The following MYO16 variants were observed in gnomAD, a reference collection of about 807,000 sequenced individuals.
The protein encoded by MYO16 is unconventional myosin-XVI.
Under a neutral mutation model 205.3 loss-of-function variants are expected in MYO16, and 94 were observed. The ratio of observed to expected loss-of-function variants is 0.46; its 90% CI spans 0.39 to 0.54. The LOEUF is 0.54. Ranked by LOEUF, MYO16 falls within the 20% of genes least tolerant of loss-of-function variation. MYO16 has a pLI of 0.00. For missense variants in MYO16, 2,315 were observed against 2,387.5 expected (o/e 0.97, Z 0.63); for synonymous variants, 988 against 954.0 (o/e 1.04, Z -0.66).
intron 21 of MYO16, among the ~76,000 whole-genome samples, chr13:109,001,656 G>A (rs1390072652): frequency 1.3e-5 from 2 of 152,142 alleles, no homozygotes; most frequent in Admixed American, 6.5e-5. Flanking sequence ...ATGGAAATCA[G>A]GGATAACTGA....
At chr13:108,535,138 G>A in the MYO16 span, among the ~76,000 whole-genome samples, 1 of 142,242 alleles carries the variant, frequency 7.0e-6, no homozygotes, top group Non-Finnish European at 1.5e-5. Flanking sequence ...TCTTCCTCTT[G>A]TTCTTTCTTG....
At chr13:108,540,882 G>C in the MYO16 span, among the ~76,000 whole-genome samples, 1 of 152,148 alleles carries the variant, frequency 6.6e-6, no homozygotes, top group African/African-American at 2.4e-5. Context: ...AGAAAGTCCT[G>C]TCTTATTCAC....
intron 12 of MYO16, among the ~76,000 whole-genome samples, chr13:108,872,000 T>G (rs909925307): frequency 6.6e-6 from 1 of 152,274 alleles, no homozygotes; most frequent in Non-Finnish European, 1.5e-5. Context: ...AGACTACATC[T>G]GTTTTTATTG....
intron 10 of MYO16, among the ~76,000 whole-genome samples, chr13:108,853,849 C>T (rs1033802641): frequency 1.3e-5 from 2 of 151,902 alleles, no homozygotes; most frequent in East Asian, 1.9e-4. Context: ...ATGGTTTGAA[C>T]TCCAGTGCCA....
At chr13:109,003,007 T>A (rs1195400319) in intron 21 of MYO16, among the ~76,000 whole-genome samples, 1 of 152,232 alleles carries the variant, frequency 6.6e-6, no homozygotes, top group Non-Finnish European at 1.5e-5. Context: ...ACGTCTATAT[T>A]TTAACTTTGG....
chr13:108,958,825 T>C (rs375686823), intron 17 of MYO16, among the ~76,000 whole-genome samples: 4 of 152,092 alleles, frequency 2.6e-5, no homozygotes, highest in East Asian at 3.9e-4. Flanking sequence ...TTCAACATGG[T>C]GGTGTTTTGG....
chr13:108,509,257 A>G, the MYO16 span, among the ~76,000 whole-genome samples: 2 of 152,240 alleles, frequency 1.3e-5, no homozygotes, highest in Non-Finnish European at 2.9e-5. Flanking sequence ...CTTGCACAGT[A>G]TGATACTTGC....
chr13:108,814,605 G>T (rs1175701697), intron 7 of MYO16, among the ~76,000 whole-genome samples: 1 of 152,088 alleles, frequency 6.6e-6, no homozygotes, highest in African/African-American at 2.4e-5. Flanking sequence ...TTTAGCAAAT[G>T]ATATATTTGG....
At chr13:108,685,105 C>T (rs1448707563) in intron 2 of MYO16, among the ~76,000 whole-genome samples, 1 of 151,322 alleles carries the variant, frequency 6.6e-6, no homozygotes, top group African/African-American at 2.4e-5. Flanking sequence ...TCACTGCAAC[C>T]TCCACCTTCC....
At chr13:108,774,955 C>T (rs1390186780) in intron 4 of MYO16, among the ~76,000 whole-genome samples, 1 of 152,142 alleles carries the variant, frequency 6.6e-6, no homozygotes, top group South Asian at 2.1e-4. Flanking sequence ...AAAAATATTA[C>T]TTAAGATTTA....
the MYO16 span, among the ~76,000 whole-genome samples, chr13:108,564,172 CTTTTTTTT>C: frequency 1.6e-5 from 2 of 126,686 alleles, no homozygotes; most frequent in African/African-American, 2.9e-5. Context: ...CTATTGCCTT[CTTTTTTTT>C]TTTTTTTTTT....
chr13:109,114,285 C>A (rs1413811497), intron 28 of MYO16, among the ~76,000 whole-genome samples: 2 of 152,176 alleles, frequency 1.3e-5, no homozygotes, highest in Non-Finnish European at 2.9e-5. Flanking sequence ...GAATCACTGG[C>A]CCCATCCCAA....
At chr13:108,782,201 G>A (rs2082257) in intron 4 of MYO16, among the ~76,000 whole-genome samples, 135 of 152,330 alleles carry the variant, frequency 8.9e-4, no homozygotes, top group African/African-American at 3.2e-3. Context: ...AATGCTGATA[G>A]TGATATGAAC....
intron 4 of MYO16, among the ~76,000 whole-genome samples, chr13:108,751,042 A>AAT (rs58712940): frequency 4.8e-5 from 7 of 146,830 alleles, no homozygotes; most frequent in Non-Finnish European, 6.0e-5. Context: ...TATGTGTATA[A>AAT]ATATATATAT....
intron 22 of MYO16, among the ~76,000 whole-genome samples, chr13:109,010,729 T>C (rs1594466861): frequency 6.6e-6 from 1 of 152,114 alleles, no homozygotes; most frequent in Non-Finnish European, 1.5e-5. Flanking sequence ...GTAACAGCAT[T>C]TACAGAAGTG....
intron 27 of MYO16, among the ~76,000 whole-genome samples, chr13:109,077,908 G>A (rs1049064752): frequency 9.2e-5 from 14 of 151,790 alleles, no homozygotes; most frequent in African/African-American, 2.9e-4. Context: ...ATAATTTCCT[G>A]TGTATTAGGT....
At chr13:108,754,244 A>G (rs1885347633) in intron 4 of MYO16, among the ~76,000 whole-genome samples, 2 of 152,034 alleles carry the variant, frequency 1.3e-5, no homozygotes, top group African/African-American at 4.8e-5. Flanking sequence ...AAGCTGTAGC[A>G]TGCAGGACAA....
At chr13:108,869,450 C>T (rs189251316) in intron 12 of MYO16, among the ~76,000 whole-genome samples, 154 of 151,852 alleles carry the variant, frequency 1.0e-3, no homozygotes, top group Middle Eastern at 6.8e-3. Context: ...CTTGGCCGGG[C>T]GCGGTGGCTC....
chr13:108,829,136 G>A (rs1876459330), intron 9 of MYO16, among the ~76,000 whole-genome samples: 1 of 152,162 alleles, frequency 6.6e-6, no homozygotes, highest in Non-Finnish European at 1.5e-5. Flanking sequence ...TGAGGACTGT[G>A]CCCTTAACCT....
Sources: gnomAD v4.1 joint callset for allele counts (sites outside exome capture counted in the v4.1 genomes callset) on GRCh38, gnomAD v4.1.1 for gene constraint, MANE v1.5 for transcripts, NCBI Gene and HGNC (gene_info 2026-07-23, HGNC 2026-07-21) for gene names.